NAV3: variants seen among roughly 807,000 people sequenced by gnomAD.
NAV3 encodes the protein pore membrane and/or filament interacting like protein 1.
In NAV3, 87 loss-of-function variants were observed where a neutral mutation model predicts 244.7. The ratio of observed to expected loss-of-function variants is 0.36; its 90% CI spans 0.30 to 0.42. The LOEUF is 0.42. Ranked by LOEUF, NAV3 falls within the 20% of genes least tolerant of loss-of-function variation. NAV3 has a pLI of 1.00. For synonymous variants in NAV3, 1,126 were observed against 1,042.2 expected (o/e 1.08, Z -1.55); for missense variants, 2,663 against 2,893.3 (o/e 0.92, Z 1.83).
rs746550555 is a variant in NAV3, at chr12:77,717,640, G to GTATTTT, written c.72+145389_72+145394dup. On this transcript the variant is annotated intron_variant, in intron 2 of 8. Coordinates refer to the NAV3 transcript ENST00000550042. ...AGCAGTGGGATTGCTGCATCATATG[G>GTATTTT]TATTTTTATTTTTATTTTTAAAGGA... 9.2e-5 allele frequency among the ~76,000 whole-genome samples: 14 copies of GTATTTT among 151,952 alleles called. No individual in the cohort carries two copies. In the East Asian group the frequency reaches 2.1e-3, roughly 23 times the overall value.
chr12:77,889,925 C>T (rs1592908751), intron 1 of NAV3, among the ~76,000 whole-genome samples: 1 of 152,106 alleles, frequency 6.6e-6, no homozygotes, highest in Admixed American at 6.5e-5. Context: ...TAAGTACATA[C>T]AGTAGTTATC....
chr12:78,208,082 C>T (rs1003750926), intron 39 of NAV3, among the ~76,000 whole-genome samples: 1 of 152,136 alleles, frequency 6.6e-6, no homozygotes, highest in Non-Finnish European at 1.5e-5. Context: ...TCATTTGGCT[C>T]ATCGTTCTGG....
At chr12:78,004,278 G>A (rs945190141) in intron 7 of NAV3, among the ~76,000 whole-genome samples, 3 of 152,132 alleles carry the variant, frequency 2.0e-5, no homozygotes, top group Non-Finnish European at 4.4e-5. Context: ...AATAAAGTAA[G>A]CAGTAGATGA....
At chr12:77,844,647 G>A (rs1311343581) in intron 1 of NAV3, among the ~76,000 whole-genome samples, 1 of 151,994 alleles carries the variant, frequency 6.6e-6, no homozygotes. Flanking sequence ...ATATGGACTT[G>A]TTTTAAATTT....
intron 1 of NAV3, among the ~76,000 whole-genome samples, chr12:77,868,502 T>C (rs12824842): frequency 0.15 from 22,458 of 151,886 alleles, 1,894 homozygotes; most frequent in Middle Eastern, 0.24. Flanking sequence ...GCACCTGCAA[T>C]CCCAGCACTT....
chr12:77,920,837 C>T (rs189496131), intron 1 of NAV3, among the ~76,000 whole-genome samples: 1 of 152,114 alleles, frequency 6.6e-6, no homozygotes, highest in African/African-American at 2.4e-5. Context: ...AAAATAATGT[C>T]AGATTGATGA....
chr12:78,168,767 A>G lies in NAV3; in HGVS notation c.4882A>G (p.Ile1628Val), dbSNP rs752405099. The G allele has an allele frequency of 1.9e-6, 3 of 1,607,182 alleles. No individual in the cohort carries two copies. Among genetic ancestry groups the G allele is most frequent in the East Asian group, 2.2e-5 (1 of 44,704 alleles). Residue 1628 changes from isoleucine (I) to valine (V), a missense_variant, in exon 24 of 40, where the codon ATA becomes GTA. Physicochemically the swap from Ile to Val is conservative, Grantham distance 29. Coordinates refer to ENST00000397909, the MANE Select transcript of NAV3 (RefSeq NM_001024383.2). Reference sequence around the variant, plus strand: ...GTTTATTCCACAGGAATCTGAACTTATAGAACTAAGAGAAACCATTGAAAT... The same window carrying G: ...GTTTATTCCACAGGAATCTGAACTTGTAGAACTAAGAGAAACCATTGAAAT... The part of the protein sequence containing the change: ...MTAEQKESEL[I>V]ELRETIEMLK...
intron 1 of NAV3, among the ~76,000 whole-genome samples, chr12:77,896,886 C>G (rs1188207555): frequency 6.6e-6 from 1 of 152,134 alleles, no homozygotes; most frequent in African/African-American, 2.4e-5. Context: ...CAGAGCAAAG[C>G]TTTAGGTCAT....
Position 77,968,673 on chromosome 12 carries a change from G to T in NAV3, c.642G>T (p.Gln214His), listed in dbSNP as rs1480926373. ...CTTCCCCTCCATCGGAAGCCAGCCA[G>T]GCCAAAACCCAGCAAGATATGCAGT... ...THASPPSEAS[Q>H]AKTQQDMQSS... Residue 214 changes from glutamine to histidine, a missense_variant, in exon 5 of 40, where the codon CAG (glutamine) becomes CAT (histidine). This residue lies in a region of NAV3 where 1,521 missense variants were observed against 1,497.0 expected (regional missense o/e 1.02). Coordinates refer to ENST00000397909, the MANE Select transcript of NAV3 (RefSeq NM_001024383.2). 1 of 1,614,042 alleles carries T rather than the reference G, an allele frequency of 6.2e-7. No homozygotes were observed. Among genetic ancestry groups the T allele is most frequent in the Admixed American group, 1.7e-5 (1 of 60,002 alleles).
chr12:77,968,551 G>A lies in NAV3; in HGVS notation c.520G>A (p.Gly174Arg), dbSNP rs2137988865. 1 of 1,613,832 alleles carries A rather than the reference G, an allele frequency of 6.2e-7. No individual in the cohort carries two copies. The highest frequency in any genetic ancestry group is 8.5e-7 in the Non-Finnish European group (1 of 1,179,862). Residue 174 changes from glycine to arginine, a missense_variant, in exon 5 of 40, where the codon GGG becomes AGG. Gly to Arg is a moderately radical substitution (Grantham distance 125, BLOSUM62 -2). This residue lies in a region of NAV3 where 1,521 missense variants were observed against 1,497.0 expected (regional missense o/e 1.02). Transcript: ENST00000397909. ...AAATGGAAACTTAAAAGCCATTCTA[G>A]GGCTGTTTTTCAGTTTATCTCGCTA... ...IRNGNLKAIL[G>R]LFFSLSRYKQ... is the part of the protein sequence containing the mutation.
intron 1 of NAV3, among the ~76,000 whole-genome samples, chr12:77,861,927 AT>A (rs1160135498): frequency 6.6e-6 from 1 of 151,792 alleles, no homozygotes; most frequent in Non-Finnish European, 1.5e-5. Flanking sequence ...GATTTCAACC[AT>A]TTTTTCAATT....
chr12:77,840,951 T>C (rs780870978), intron 1 of NAV3, among the ~76,000 whole-genome samples: 2 of 152,246 alleles, frequency 1.3e-5, no homozygotes, highest in African/African-American at 2.4e-5. Flanking sequence ...AAATAATAAA[T>C]TCTTACCAGG....
chr12:78,109,527 A>T (rs1040651241), intron 12 of NAV3, among the ~76,000 whole-genome samples: 3 of 152,086 alleles, frequency 2.0e-5, no homozygotes, highest in Non-Finnish European at 2.9e-5. Flanking sequence ...ACCATGATGA[A>T]CACAGATGCA....
intron 18 of NAV3, among the ~76,000 whole-genome samples, 169 bp from the exon 19 acceptor site, chr12:78,137,008 A>C (rs1038415173): frequency 6.6e-6 from 1 of 152,116 alleles, no homozygotes; most frequent in Admixed American, 6.6e-5. Context: ...AGAGGGACGC[A>C]ATGGGATCTG....
intron 3 of NAV3, among the ~76,000 whole-genome samples, chr12:77,943,186 T>G (rs1890037776): frequency 6.6e-6 from 1 of 152,212 alleles, no homozygotes; most frequent in African/African-American, 2.4e-5. Flanking sequence ...CTCTTGAGTT[T>G]CAGACTCTGT....
intron 2 of NAV3, among the ~76,000 whole-genome samples, chr12:77,757,725 AG>A (rs1160423126): frequency 1.3e-5 from 2 of 152,206 alleles, no homozygotes; most frequent in Non-Finnish European, 2.9e-5. Context: ...GTGATTTATT[AG>A]CTATGTGATC....
At chr12:77,654,671 C>A (rs1872999430) in intron 2 of NAV3, among the ~76,000 whole-genome samples, 1 of 152,152 alleles carries the variant, frequency 6.6e-6, no homozygotes, top group Non-Finnish European at 1.5e-5. Context: ...GTCCCTGACC[C>A]CTGACCCCTG....
intron 26 of NAV3, 49 bp from the exon 27 acceptor site, chr12:78,177,092 C>T: frequency 6.2e-7 from 1 of 1,606,670 alleles, no homozygotes; most frequent in Non-Finnish European, 8.5e-7. Context: ...AAAGCAAAAG[C>T]TCTCCAAGTG....
At chr12:77,828,311 C>A (rs190604636), upstream of NAV3, among the ~76,000 whole-genome samples, 301 of 152,232 alleles carry the variant, frequency 2.0e-3, 1 homozygote, top group Non-Finnish European at 2.1e-3. Flanking sequence ...CATATGGGCC[C>A]CTCACTCTTA....
Sources: allele counts gnomAD v4.1 joint callset (sites outside exome capture counted in the v4.1 genomes callset), GRCh38; gene constraint gnomAD v4.1.1; regional missense constraint gnomAD v4.1.1; transcripts MANE v1.5; gene names NCBI Gene and HGNC (gene_info 2026-07-23, HGNC 2026-07-21).